The following GPAM variants were observed in gnomAD, a reference collection of about 807,000 sequenced individuals.
GPAM encodes the protein glycerol-3-phosphate acyltransferase 1, mitochondrial.
Under a neutral mutation model 105.0 loss-of-function variants are expected in GPAM, and 56 were observed. The observed-to-expected ratio is 0.53, with a 90% CI of 0.43 to 0.67. The LOEUF is 0.67. Among genes scored for constraint, GPAM ranks in the 30% least tolerant of loss-of-function variants. The probability of loss-of-function intolerance (pLI) is 0.00; values close to 1 mark genes in which losing one functional copy is unlikely to be tolerated. For missense variants in GPAM, 855 were observed against 989.8 expected, an observed-to-expected ratio of 0.86 and a Z score of 1.83; for synonymous variants, 368 against 354.4, an observed-to-expected ratio of 1.04 and a Z score of -0.43.
chr10:112,185,665 C>T (rs956276426), upstream of GPAM, among the ~76,000 whole-genome samples: 9 of 151,296 alleles, frequency 5.9e-5, no homozygotes, highest in Admixed American at 1.3e-4. Context: ...AAAAACCTGA[C>T]GGGAGGCTGA....
At chr10:112,169,172 G>C (rs573258125) in intron 9 of GPAM, among the ~76,000 whole-genome samples, 37 of 152,172 alleles carry the variant, frequency 2.4e-4, no homozygotes, top group African/African-American at 8.7e-4. Flanking sequence ...TGTGTATAAT[G>C]AGCCTCTATT....
chr10:112,223,738 A>G, the GPAM span, among the ~76,000 whole-genome samples: 49,671 of 152,176 alleles, frequency 0.33, 9,397 homozygotes, highest in African/African-American at 0.51. Context: ...TTTAGGCTAT[A>G]TGGGTCATAC....
At chr10:112,220,691 G>A in the GPAM span, among the ~76,000 whole-genome samples, 1 of 152,044 alleles carries the variant, frequency 6.6e-6, no homozygotes, top group Non-Finnish European at 1.5e-5. Context: ...TATCTTCTGA[G>A]TATTTTTTCT....
chr10:112,221,071 T>C, the GPAM span, among the ~76,000 whole-genome samples: 6,410 of 152,194 alleles, frequency 0.042, 298 homozygotes, highest in African/African-American at 0.12. Flanking sequence ...GAAAATGTAG[T>C]CTCAGTGTGG....
intron 4 of GPAM, 22 bp downstream of exon 4, chr10:112,180,451 C>T: frequency 6.2e-7 from 1 of 1,611,508 alleles, no homozygotes; most frequent in Non-Finnish European, 8.5e-7. Context: ...GTATTAGGGT[C>T]AATAAGCAGT....
At chr10:112,226,074 C>T in the GPAM span, among the ~76,000 whole-genome samples, 45 of 152,092 alleles carry the variant, frequency 3.0e-4, no homozygotes, top group African/African-American at 1.0e-3. Context: ...TGCCAGATCC[C>T]AAGCTAGGCC....
upstream of GPAM, among the ~76,000 whole-genome samples, chr10:112,184,643 A>G (rs1466313766): frequency 6.6e-6 from 1 of 152,236 alleles, no homozygotes; most frequent in East Asian, 1.9e-4. Flanking sequence ...TGTGCTGGAC[A>G]GTGGTCCTTG....
rs577111568 is a variant in GPAM at position 112,182,856 on chromosome 10, T to G, written c.-92A>C. The G allele has an allele frequency of 3.2e-4, 49 of 152,334 alleles. 1 individual carries two copies. Among genetic ancestry groups the G allele is most frequent in the Admixed American group, 3.0e-3 (46 of 15,298 alleles). 9.4% of individuals were successfully genotyped at this position (152,334 alleles called of 1,614,324 possible). A position where few individuals can be genotyped will look rare whatever the true frequency, so the allele number is the denominator to read the frequency against. Reference sequence around the variant, plus strand: ...TCAGGACTCAGCTATCAGTTTCGGGTGCAGAATGTCCATACAACAGGGGAG... The same window carrying G: ...TCAGGACTCAGCTATCAGTTTCGGGGGCAGAATGTCCATACAACAGGGGAG... On this transcript the variant is annotated 5_prime_UTR_variant, in exon 2 of 22. Transcript: ENST00000348367.
At chr10:112,166,709 A>G (rs1847224401) in intron 11 of GPAM, among the ~76,000 whole-genome samples, 194 bp from the exon 12 acceptor site, 1 of 152,222 alleles carries the variant, frequency 6.6e-6, no homozygotes, top group South Asian at 2.1e-4. Context: ...AGATGTAATC[A>G]TGTCATTGGG....
rs576541294 is a variant in GPAM at position 112,173,748 on chromosome 10, T to C, written c.511A>G (p.Lys171Glu). ...KAVNKVKKKA[K>E]RILQEMVATV... ...GCAACCATTTCTTGAAGAATCCTTT[T>C]AGCTTTCTTTTTCACTTTGTTAACG... The change falls in exon 7 of 22, where the codon AAA (lysine) becomes GAA (glutamate). Residue 171 changes from lysine (K) to glutamate (E), a missense_variant. Physicochemically the swap from Lys to Glu is moderately conservative, Grantham distance 56. Coordinates refer to ENST00000348367, the MANE Select transcript of GPAM (RefSeq NM_001244949.2). 5.6e-6 allele frequency: 9 copies of C among 1,613,822 alleles called. No homozygotes were observed. Among genetic ancestry groups the C allele is most frequent in the Admixed American group, 1.7e-5 (1 of 60,024 alleles).
At chr10:112,160,387 G>T in intron 16 of GPAM, 1 of 961,792 alleles carries the variant, frequency 1.0e-6, no homozygotes, top group Non-Finnish European at 1.2e-6. Context: ...TACCTCTCCT[G>T]AAAAATAAGG....
chr10:112,167,308 T>C (rs1356218927), intron 11 of GPAM, among the ~76,000 whole-genome samples: 1 of 152,196 alleles, frequency 6.6e-6, no homozygotes, highest in Non-Finnish European at 1.5e-5. Flanking sequence ...AACTGCTGAC[T>C]GGAGTGGTAA....
intron 1 of GPAM, among the ~76,000 whole-genome samples, chr10:112,195,610 T>C (rs1289854089): frequency 6.6e-6 from 1 of 152,240 alleles, no homozygotes; most frequent in Non-Finnish European, 1.5e-5. Context: ...ACCATAATTA[T>C]AACTAAATAC....
At chr10:112,157,143 G>A in intron 19 of GPAM, 106 bp downstream of exon 19, 1 of 994,518 alleles carries the variant, frequency 1.0e-6, no homozygotes. Context: ...AGCTAGTTGG[G>A]GGATTCTTTA....
In GPAM at chr10:112,152,303, C is replaced by A; in HGVS notation, c.*1247G>T. On this transcript the variant is annotated 3_prime_UTR_variant, in exon 22 of 22. Transcript: ENST00000348367. ...CCATAATAAACCAATAATTATGCTC[C>A]CTGCTCACAAAAGGCACCTACCAAT... 1.0e-6 allele frequency: 1 copy of A among 984,150 alleles called. No individual in the cohort carries two copies. Among genetic ancestry groups the A allele is most frequent in the Non-Finnish European group, 1.2e-6 (1 of 828,848 alleles). The allele number at this position is 984,150 out of a possible 1,614,324, so 61.0% of individuals were successfully genotyped here. A position where few individuals can be genotyped will look rare whatever the true frequency, so the allele number is the denominator to read the frequency against.
chr10:112,178,276 G>A (rs749439219), intron 4 of GPAM, among the ~76,000 whole-genome samples: 58 of 152,096 alleles, frequency 3.8e-4, no homozygotes, highest in Non-Finnish European at 6.0e-4. Flanking sequence ...CTAGCCAGGC[G>A]CAGTGGCTCA....
intron 1 of GPAM, among the ~76,000 whole-genome samples, chr10:112,199,578 A>C (rs1296354476): frequency 6.6e-6 from 1 of 152,208 alleles, no homozygotes; most frequent in Non-Finnish European, 1.5e-5. Flanking sequence ...GGTGGTGAAT[A>C]TGTTAATTAG....
At chr10:112,165,410 G>A (rs1045498522) in intron 12 of GPAM, among the ~76,000 whole-genome samples, 9 of 152,142 alleles carry the variant, frequency 5.9e-5, no homozygotes, top group Non-Finnish European at 8.8e-5. Flanking sequence ...TTGGCTGCCC[G>A]AAGTGGCTCA....
At chr10:112,165,573 C>A (rs952769418) in intron 12 of GPAM, among the ~76,000 whole-genome samples, 1 of 152,002 alleles carries the variant, frequency 6.6e-6, no homozygotes, top group Non-Finnish European at 1.5e-5. Flanking sequence ...ACCTGTAATC[C>A]CAGCTACTTA....
Sources: allele counts gnomAD v4.1 joint callset (sites outside exome capture counted in the v4.1 genomes callset), GRCh38; gene constraint gnomAD v4.1.1; transcripts MANE v1.5; gene names NCBI Gene and HGNC (gene_info 2026-07-23, HGNC 2026-07-21).